TTC7A: variants seen among roughly 807,000 people sequenced by gnomAD.
The protein encoded by TTC7A is tetratricopeptide repeat domain 7A, also known as tetratricopeptide repeat protein 7A.
In TTC7A, 110 loss-of-function variants were observed where a neutral mutation model predicts 103.7. The observed-to-expected ratio is 1.06, with a 90% confidence interval of 0.91 to 1.24. TTC7A has a LOEUF of 1.24. Ranked by LOEUF, TTC7A falls within the 50% of genes most tolerant of loss-of-function variation. The pLI, the probability that TTC7A is intolerant of heterozygous loss-of-function variation, is 0.00. For synonymous variants in TTC7A, 521 were observed against 467.9 expected, an observed-to-expected ratio of 1.11 and a Z score of -1.47; for missense variants, 1,340 against 1,116.3, an observed-to-expected ratio of 1.20 and a Z score of -2.86.
At chr2:46,987,901 A>G (rs544735572) in intron 5 of TTC7A, among the ~76,000 whole-genome samples, 2 of 152,146 alleles carry the variant, frequency 1.3e-5, no homozygotes, top group South Asian at 4.1e-4. Context: ...AAGGCACCTT[A>G]GAAAGCCCAG....
chr2:46,963,746 A>G (rs958580940), intron 3 of TTC7A, among the ~76,000 whole-genome samples: 6 of 152,172 alleles, frequency 3.9e-5, no homozygotes, highest in African/African-American at 1.4e-4. Context: ...GGGCTCAGCT[A>G]TTGAGGTCTG....
intron 15 of TTC7A, chr2:47,045,448 G>T (rs1332890052): frequency 6.6e-6 from 1 of 152,282 alleles, no homozygotes; most frequent in African/African-American, 2.4e-5. Context: ...CTGAGGTCCT[G>T]CCTCCAGGTG....
chr2:47,068,866 A>C, intron 19 of TTC7A, among the ~76,000 whole-genome samples: 1 of 29,830 alleles, frequency 3.4e-5, no homozygotes. Flanking sequence ...TTTTTTCAAA[A>C]AAAAAAAAAA....
rs144439605 is a variant in TTC7A, at chr2:46,969,780, C to T, written c.518-5193C>T. Among the ~76,000 whole-genome samples the T allele has an allele frequency of 4.7e-3, 709 of 152,284 alleles. 6 individuals are homozygous for T. Among genetic ancestry groups the T allele is most frequent in the Non-Finnish European group, 8.1e-3 (553 of 68,034 alleles). On this transcript the variant is annotated intron_variant, in intron 3 of 19. Coordinates refer to ENST00000319190, the MANE Select transcript of TTC7A (RefSeq NM_020458.4). ...GTACACTTGGCTACGTGAATATGCT[C>T]ATTCATCTATGCATCCGTCTGCATG...
intron 15 of TTC7A, among the ~76,000 whole-genome samples, chr2:47,034,728 G>A (rs13404030): frequency 6.6e-6 from 1 of 152,126 alleles, no homozygotes. Context: ...TCCACAGTGG[G>A]CAAGGCCACC....
At chr2:46,956,240 A>T (rs941611576) in intron 2 of TTC7A, among the ~76,000 whole-genome samples, 1 of 152,208 alleles carries the variant, frequency 6.6e-6, no homozygotes, top group African/African-American at 2.4e-5. Context: ...GGCCTCCGTG[A>T]TTCTGCACTT....
At chr2:46,997,119 C>G (rs1387311496) in intron 8 of TTC7A, among the ~76,000 whole-genome samples, 2 of 152,152 alleles carry the variant, frequency 1.3e-5, no homozygotes, top group Non-Finnish European at 2.9e-5. Context: ...GCTTGGATTA[C>G]AGGTGCGCGC....
chr2:47,010,988 C>G (rs575414213), intron 10 of TTC7A, among the ~76,000 whole-genome samples: 1 of 152,352 alleles, frequency 6.6e-6, no homozygotes, highest in Admixed American at 6.5e-5. Context: ...GCGTGAGCCA[C>G]CGTGCCCAGC....
chr2:46,954,395 C>A lies in TTC7A; in HGVS notation c.349-2444C>A, dbSNP rs1220997041. The stretch of plus-strand genomic sequence containing the variant: ...TGATAGACCAAGAATATTTCACATT[C>A]AAATGCATGGGCCCCACAGAGTGCA... On this transcript the variant is annotated intron_variant, in intron 2 of 19. Coordinates refer to ENST00000319190, the MANE Select transcript of TTC7A (RefSeq NM_020458.4). Among the ~76,000 whole-genome samples, 3 of 152,212 alleles carry A rather than the reference C, an allele frequency of 2.0e-5. No homozygotes were observed. In the South Asian group the frequency reaches 6.2e-4, roughly 32 times the overall value.
At chr2:47,021,676 A>G (rs142122564) in intron 11 of TTC7A, among the ~76,000 whole-genome samples, 186 bp from the exon 12 acceptor site, 1 of 152,236 alleles carries the variant, frequency 6.6e-6, no homozygotes, top group Non-Finnish European at 1.5e-5. Context: ...TCTTGGGTTC[A>G]TGCTCTCAGC....
intron 15 of TTC7A, among the ~76,000 whole-genome samples, chr2:47,039,293 T>C (rs1299721956): frequency 1.3e-5 from 2 of 152,186 alleles, no homozygotes; most frequent in African/African-American, 4.8e-5. Context: ...GGGAGCTGCT[T>C]TCAGGAATAT....
At chr2:46,935,663 C>T (rs917110408) in intron 2 of TTC7A, among the ~76,000 whole-genome samples, 2 of 152,232 alleles carry the variant, frequency 1.3e-5, no homozygotes, top group African/African-American at 4.8e-5. Context: ...ACCTCCTCAA[C>T]ACTGCAGTCC....
At position 46,941,763 on chromosome 2, in the gene TTC7A, G is replaced by A. The variant is rs1252080379; in HGVS notation, c.184+38G>A. On this transcript the variant is annotated intron_variant, in intron 1 of 19. Coordinates refer to ENST00000319190, the MANE Select transcript of TTC7A (RefSeq NM_020458.4). This position sits in a 1 kb window ranked among gnomAD's most constrained non-coding sequence, Gnocchi z 4.2. The stretch of plus-strand genomic sequence containing the variant: ...AGAGGCTGGCTCGCCGGCAGCGAGC[G>A]CGCGAAACGCACCGCCTCCTCCAGG... 1 of 1,546,458 alleles carries A rather than the reference G, an allele frequency of 6.5e-7. No individual in the cohort carries two copies. The highest frequency in any genetic ancestry group is 2.4e-5 in the East Asian group (1 of 40,826).
intron 5 of TTC7A, among the ~76,000 whole-genome samples, chr2:46,981,608 G>A (rs1049161074): frequency 1.1e-4 from 16 of 152,230 alleles, no homozygotes; most frequent in Non-Finnish European, 2.9e-5. Context: ...TAGAACCGGA[G>A]CCTGAAGTGG....
At chr2:47,020,180 C>T (rs1021545048) in intron 11 of TTC7A, among the ~76,000 whole-genome samples, 5 of 152,188 alleles carry the variant, frequency 3.3e-5, no homozygotes, top group African/African-American at 7.2e-5. Flanking sequence ...GGGGTCCCAC[C>T]TGCCATTTTG....
rs1438887727 is a variant in TTC7A at position 47,051,887 on chromosome 2, G to T, written c.2152+7G>T. On this transcript the variant is annotated splice_region_variant and intron_variant, in intron 18 of 19. Coordinates refer to ENST00000319190, the MANE Select transcript of TTC7A (RefSeq NM_020458.4). ...CAGATCTGGCTGCAGGCTGGTGAGT[G>T]CCCTGGTCCCAGTGACACACACAGC... is the stretch of plus-strand genomic sequence containing the variant. 1.2e-6 allele frequency: 2 copies of T among 1,604,584 alleles called. No individual in the cohort carries two copies. The highest frequency in any genetic ancestry group is 2.7e-5 in the African/African-American group (2 of 74,740).
chr2:46,933,303 C>T (rs1669808500), intron 2 of TTC7A, among the ~76,000 whole-genome samples: 1 of 152,176 alleles, frequency 6.6e-6, no homozygotes, highest in Non-Finnish European at 1.5e-5. Context: ...AAGTGAGTGG[C>T]TGGGGATAAA....
At chr2:46,974,022 G>A (rs6716882) in intron 3 of TTC7A, among the ~76,000 whole-genome samples, 72,681 of 152,042 alleles carry the variant, frequency 0.48, 18,738 homozygotes, top group East Asian at 0.66. Context: ...CTTGCCTGGT[G>A]GTGAAACCAG....
chr2:46,941,383 T>C lies in TTC7A; in HGVS notation c.-159T>C, dbSNP rs977428995. On this transcript the variant is annotated 5_prime_UTR_variant, in exon 1 of 20. Coordinates refer to ENST00000319190, the MANE Select transcript of TTC7A (RefSeq NM_020458.4). The surrounding 1 kb of genome is among the most constrained non-coding windows in gnomAD (Gnocchi z 4.2). ...CTGCTGGTGCTGCTGCTGCTGCTGC[T>C]GCCCACCCTCCGCCGCCCGGGCCCC... is the stretch of plus-strand genomic sequence containing the variant. The C allele has an allele frequency of 9.9e-6, 5 of 507,010 alleles. No individual in the cohort carries two copies. Among genetic ancestry groups the C allele is most frequent in the East Asian group, 1.2e-4 (2 of 16,380 alleles). 31.4% of individuals were successfully genotyped at this position (507,010 alleles called of 1,614,324 possible). A position where few individuals can be genotyped will look rare whatever the true frequency, so the allele number is the denominator to read the frequency against.
Sources: allele counts gnomAD v4.1 joint callset (sites outside exome capture counted in the v4.1 genomes callset), GRCh38; gene constraint gnomAD v4.1.1; non-coding constraint Gnocchi (gnomAD v3.1); transcripts MANE v1.5; gene names NCBI Gene and HGNC (gene_info 2026-07-23, HGNC 2026-07-21).